The following MARCHF1 variants were observed in gnomAD, a reference collection of about 807,000 sequenced individuals.
MARCHF1 encodes E3 ubiquitin-protein ligase MARCHF1.
In MARCHF1, 40 loss-of-function variants were observed where a neutral mutation model predicts 54.2. That is an observed-to-expected ratio of 0.74 (90% CI 0.57 to 0.96). The LOEUF is 0.96. MARCHF1 is among the 40% of genes least tolerant of loss of function. The pLI is 0.00. For missense variants in MARCHF1, 586 were observed against 656.5 expected, an observed-to-expected ratio of 0.89 and a Z score of 1.17; for synonymous variants, 236 against 236.3, an observed-to-expected ratio of 1.00 and a Z score of 0.01.
chr4:164,077,490 A>G (rs1314096330), intron 2 of MARCHF1, among the ~76,000 whole-genome samples: 1 of 152,222 alleles, frequency 6.6e-6, no homozygotes, highest in Admixed American at 6.5e-5. Context: ...CATGACTAAA[A>G]CAACAAAAGC....
rs1462781976 is a variant in MARCHF1, at chr4:164,105,368, C to T, written c.-248+6220G>A. ...TCACACTACCTGACTTCAAACTATA[C>T]TACAAGGCTGCAGTAACAAAACAGC... On this transcript the variant is annotated intron_variant, in intron 2 of 9. Coordinates refer to ENST00000514618, the MANE Select transcript of MARCHF1 (RefSeq NM_001394959.1). Among the ~76,000 whole-genome samples the T allele has an allele frequency of 8.6e-5, 13 of 150,902 alleles. 3 individuals carry two copies. The highest frequency in any genetic ancestry group is 1.5e-5 in the Non-Finnish European group (1 of 67,750).
At chr4:164,218,832 G>T (rs111788424) in intron 1 of MARCHF1, among the ~76,000 whole-genome samples, 3,348 of 147,318 alleles carry the variant, frequency 0.023, 108 homozygotes, top group East Asian at 0.12. Context: ...ACATGTACCC[G>T]AAAACTTAAA....
chr4:164,209,534 T>C (rs1427511946), intron 1 of MARCHF1, among the ~76,000 whole-genome samples: 1 of 152,174 alleles, frequency 6.6e-6, no homozygotes, highest in Non-Finnish European at 1.5e-5. Flanking sequence ...ATATGACATA[T>C]GTGTTTGAAA....
intron 1 of MARCHF1, among the ~76,000 whole-genome samples, chr4:164,257,736 G>C (rs1733333521): frequency 1.3e-5 from 2 of 152,138 alleles, no homozygotes; most frequent in Admixed American, 1.3e-4. Context: ...GGGAAGCCGA[G>C]GTGGGGGGAT....
intron 1 of MARCHF1, among the ~76,000 whole-genome samples, chr4:164,338,442 C>A (rs1729821775): frequency 6.6e-6 from 1 of 152,044 alleles, no homozygotes; most frequent in African/African-American, 2.4e-5. Flanking sequence ...ATGATTACCA[C>A]GAATGTAATT....
chr4:164,033,582 AAAAC>A (rs1326696001), intron 2 of MARCHF1, among the ~76,000 whole-genome samples: 3 of 152,214 alleles, frequency 2.0e-5, no homozygotes, highest in African/African-American at 7.2e-5. Context: ...TTTACACAAA[AAAAC>A]AAACAATCCC....
intron 4 of MARCHF1, among the ~76,000 whole-genome samples, chr4:163,733,236 T>C (rs1745925841): frequency 3.0e-5 from 2 of 66,202 alleles, no homozygotes; most frequent in Non-Finnish European, 6.5e-5. Flanking sequence ...TGTATATATA[T>C]ATATACACGT....
chr4:163,704,541 T>A (rs1389594672), intron 4 of MARCHF1, among the ~76,000 whole-genome samples: 2 of 151,640 alleles, frequency 1.3e-5, no homozygotes, highest in Non-Finnish European at 3.0e-5. Context: ...CTTTACAGGG[T>A]CTTTTTTTTT....
intron 4 of MARCHF1, among the ~76,000 whole-genome samples, chr4:163,724,690 C>T (rs1745595869): frequency 6.6e-6 from 1 of 152,214 alleles, no homozygotes; most frequent in African/African-American, 2.4e-5. Flanking sequence ...TGTTTACCTA[C>T]TCAAGCCTCA....
chr4:163,679,103 C>A (rs1744011419), intron 5 of MARCHF1, among the ~76,000 whole-genome samples: 5 of 152,176 alleles, frequency 3.3e-5, no homozygotes, highest in Non-Finnish European at 5.9e-5. Context: ...TAGTATTTGG[C>A]TCTCAAAACA....
chr4:164,207,588 G>A (rs80245329), intron 1 of MARCHF1, among the ~76,000 whole-genome samples: 90 of 152,158 alleles, frequency 5.9e-4, no homozygotes, highest in Non-Finnish European at 1.0e-3. Flanking sequence ...GTGCTGGGGG[G>A]ACTGAGGTGA....
chr4:163,810,934 G>A (rs986249271), intron 4 of MARCHF1, among the ~76,000 whole-genome samples: 2 of 152,240 alleles, frequency 1.3e-5, no homozygotes, highest in South Asian at 4.1e-4. Context: ...TTCCGTCAAT[G>A]CCAGGGAGTG....
chr4:163,701,607 T>C lies in MARCHF1; in HGVS notation c.112-744A>G, dbSNP rs117201129. Among the ~76,000 whole-genome samples, 28 of 152,324 alleles carry C rather than the reference T, an allele frequency of 1.8e-4. No homozygotes were observed. In the East Asian group the frequency reaches 5.2e-3, roughly 28 times the overall value. On this transcript the variant is annotated intron_variant, in intron 4 of 9. Transcript: ENST00000514618. ...AGACATTGTGTTCCTGAAAATTATA[T>C]AGCTACTTTTTCTACTCTGCCAATT...
chr4:163,884,570 C>T (rs1750488421), intron 3 of MARCHF1, among the ~76,000 whole-genome samples: 1 of 152,112 alleles, frequency 6.6e-6, no homozygotes, highest in African/African-American at 2.4e-5. Context: ...GCCCCAAGTC[C>T]CTAGTTCAAA....
intron 1 of MARCHF1, among the ~76,000 whole-genome samples, chr4:164,379,716 T>C (rs1273113658): frequency 6.6e-6 from 1 of 152,154 alleles, no homozygotes; most frequent in Non-Finnish European, 1.5e-5. Context: ...CCGGGCACAG[T>C]GGCTTATGCC....
At chr4:163,865,164 G>C (rs1392886676) in intron 3 of MARCHF1, among the ~76,000 whole-genome samples, 3 of 151,814 alleles carry the variant, frequency 2.0e-5, no homozygotes, top group Non-Finnish European at 4.4e-5. Context: ...TCAAGCTTCT[G>C]TTTCTCAAAG....
chr4:164,037,103 T>C (rs944738755), intron 2 of MARCHF1, among the ~76,000 whole-genome samples: 4 of 152,194 alleles, frequency 2.6e-5, no homozygotes, highest in Non-Finnish European at 4.4e-5. Context: ...TATGGTCATC[T>C]AAGATAGTGA....
intron 1 of MARCHF1, among the ~76,000 whole-genome samples, chr4:164,218,662 G>T (rs1732001426): frequency 1.4e-5 from 2 of 140,206 alleles, no homozygotes; most frequent in South Asian, 4.9e-4. Context: ...GAAACACATG[G>T]ACACAGGAAG....
intron 1 of MARCHF1, among the ~76,000 whole-genome samples, chr4:164,221,673 C>A (rs1054867674): frequency 6.6e-6 from 1 of 151,884 alleles, no homozygotes; most frequent in Non-Finnish European, 1.5e-5. Flanking sequence ...TTTCTTCTCT[C>A]CTCCACCATC....
Sources: gnomAD v4.1 joint callset for allele counts (sites outside exome capture counted in the v4.1 genomes callset) on GRCh38, gnomAD v4.1.1 for gene constraint, MANE v1.5 for transcripts, NCBI Gene and HGNC (gene_info 2026-07-23, HGNC 2026-07-21) for gene names.